Variants in CACNA2D3 observed in about 807,000 individuals in gnomAD.
The protein encoded by CACNA2D3 is voltage-dependent calcium channel subunit alpha-2/delta-3.
CACNA2D3 carries 60 observed loss-of-function variants against 160.6 expected under a neutral mutation model. The observed-to-expected ratio is 0.37, with a 90% confidence interval of 0.30 to 0.46. The LOEUF (loss-of-function observed/expected upper bound fraction) is 0.46. CACNA2D3 is among the 20% of genes least tolerant of loss of function. CACNA2D3 has a pLI of 1.00. For synonymous variants in CACNA2D3, 558 were observed against 492.9 expected (o/e 1.13, Z -1.75); for missense variants, 1,205 against 1,365.0 (o/e 0.88, Z 1.85).
At chr3:54,643,569 T>C (rs563412041) in intron 11 of CACNA2D3, among the ~76,000 whole-genome samples, 1 of 152,344 alleles carries the variant, frequency 6.6e-6, no homozygotes, top group East Asian at 1.9e-4. Context: ...CCATAAACAC[T>C]GAGTTCAGTC....
intron 6 of CACNA2D3, among the ~76,000 whole-genome samples, chr3:54,568,872 T>C (rs1318439072): frequency 6.6e-6 from 1 of 152,252 alleles, no homozygotes; most frequent in Admixed American, 6.5e-5. Flanking sequence ...ATGCCTGTTA[T>C]TAGCCCATTG....
chr3:54,128,358 C>T (rs7625325), intron 2 of CACNA2D3, among the ~76,000 whole-genome samples: 57,586 of 152,010 alleles, frequency 0.38, 11,162 homozygotes, highest in East Asian at 0.6. Context: ...CTGTGGCCCT[C>T]CCAGGTGTTT....
chr3:54,480,125 A>G (rs192725137), intron 4 of CACNA2D3, among the ~76,000 whole-genome samples: 4 of 152,176 alleles, frequency 2.6e-5, no homozygotes, highest in East Asian at 1.9e-4. Flanking sequence ...AGGAGGCTCA[A>G]TTGAGCCCAG....
Position 54,960,059 on chromosome 3 carries a change from G to A in CACNA2D3, c.2450-8391G>A, listed in dbSNP as rs568803766. On this transcript the variant is annotated intron_variant, in intron 27 of 37. Coordinates refer to ENST00000474759, the MANE Select transcript of CACNA2D3 (RefSeq NM_018398.3). The stretch of plus-strand genomic sequence containing the variant: ...CTACTTTACCAAAGGTGACAGTTCC[G>A]AGAAGCTCTGACAGGACAAAAAAAA... 6.1e-5 allele frequency among the ~76,000 whole-genome samples: 9 copies of A among 146,454 alleles called. No homozygotes were observed. The East Asian group carries it at 7.9e-4, about 13-fold the overall frequency.
chr3:54,641,441 G>GA (rs1699518019), intron 10 of CACNA2D3, among the ~76,000 whole-genome samples: 1 of 152,132 alleles, frequency 6.6e-6, no homozygotes, highest in Non-Finnish European at 1.5e-5. Flanking sequence ...GCCTCTAAGT[G>GA]GCAGGCTTCA....
intron 24 of CACNA2D3, among the ~76,000 whole-genome samples, chr3:54,888,581 C>G (rs1022858613): frequency 6.6e-6 from 1 of 152,150 alleles, no homozygotes; most frequent in Non-Finnish European, 1.5e-5. Context: ...ACCATTATTA[C>G]TTTAAGTAGA....
intron 4 of CACNA2D3, among the ~76,000 whole-genome samples, chr3:54,432,940 T>G (rs1700010375): frequency 6.6e-6 from 1 of 152,082 alleles, no homozygotes; most frequent in African/African-American, 2.4e-5. Context: ...CACCATGCCT[T>G]TTGCGTGGGT....
At position 54,631,203 on chromosome 3, in the gene CACNA2D3, AAC is replaced by A. The variant is rs67944483; in HGVS notation, c.1053+3359_1053+3360del. Reference sequence around the variant, plus strand: ...TGGGTGACAGAGCGAGACTCCATCAAACACACACACACACACACACACACACA... The same window carrying A: ...TGGGTGACAGAGCGAGACTCCATCAAACACACACACACACACACACACACA... On this transcript the variant is annotated intron_variant, in intron 10 of 37. Coordinates refer to ENST00000474759, the MANE Select transcript of CACNA2D3 (RefSeq NM_018398.3). Among the ~76,000 whole-genome samples, 1,430 of 145,692 alleles carry A rather than the reference AAC, an allele frequency of 9.8e-3. 23 individuals carry two copies. The highest frequency in any genetic ancestry group is 0.031 in the African/African-American group (1,212 of 38,784).
intron 2 of CACNA2D3, among the ~76,000 whole-genome samples, chr3:54,178,065 A>G (rs1214024483): frequency 6.6e-6 from 1 of 152,162 alleles, no homozygotes; most frequent in Non-Finnish European, 1.5e-5. Context: ...TGGAAGCAAA[A>G]CTAGCAGAAG....
intron 3 of CACNA2D3, among the ~76,000 whole-genome samples, chr3:54,385,396 C>T (rs189508192): frequency 5.3e-5 from 8 of 152,222 alleles, no homozygotes; most frequent in Admixed American, 3.3e-4. Context: ...AGTTAGCATC[C>T]GGGCTAGAAT....
At chr3:54,977,575 G>C (rs559107530) in intron 29 of CACNA2D3, among the ~76,000 whole-genome samples, 1 of 152,320 alleles carries the variant, frequency 6.6e-6, no homozygotes, top group Non-Finnish European at 1.5e-5. Context: ...ACTAGGAGTA[G>C]AGGTTATGAT....
chr3:54,298,944 TAAAAAAAAAAAAAAAA>T, intron 2 of CACNA2D3, among the ~76,000 whole-genome samples: 2 of 99,334 alleles, frequency 2.0e-5, no homozygotes, highest in South Asian at 6.5e-4. Flanking sequence ...CTCTGTTTCT[TAAAAAAAAAAAAAAAA>T]AAAAAAAAAA....
At chr3:54,533,986 T>C (rs1428493802) in intron 5 of CACNA2D3, among the ~76,000 whole-genome samples, 1 of 152,204 alleles carries the variant, frequency 6.6e-6, no homozygotes, top group African/African-American at 2.4e-5. Flanking sequence ...TATTAACCAC[T>C]GTGGTTATCC....
At chr3:54,692,060 G>A (rs192790034) in intron 11 of CACNA2D3, among the ~76,000 whole-genome samples, 195 of 151,892 alleles carry the variant, frequency 1.3e-3, no homozygotes, top group Non-Finnish European at 1.9e-3. Context: ...CTGCAACCTC[G>A]CCTCCTGGGT....
At chr3:54,765,204 A>G (rs1039194079) in intron 13 of CACNA2D3, among the ~76,000 whole-genome samples, 49 of 152,102 alleles carry the variant, frequency 3.2e-4, no homozygotes, top group African/African-American at 1.0e-3. Flanking sequence ...TTCCTGCTGC[A>G]CTTCTGGCAG....
At chr3:55,046,096 T>C (rs1006609090) in intron 35 of CACNA2D3, among the ~76,000 whole-genome samples, 1 of 150,834 alleles carries the variant, frequency 6.6e-6, no homozygotes, top group Admixed American at 6.6e-5. Flanking sequence ...CACTTTTTTT[T>C]TTAACGTCTT....
At chr3:54,301,156 C>G (rs1703466634) in intron 2 of CACNA2D3, among the ~76,000 whole-genome samples, 2 of 151,900 alleles carry the variant, frequency 1.3e-5, no homozygotes, top group Non-Finnish European at 2.9e-5. Context: ...ACTGAGGAGG[C>G]TGAGGCAGGA....
At chr3:54,446,758 C>T (rs574331913) in intron 4 of CACNA2D3, among the ~76,000 whole-genome samples, 14 of 152,090 alleles carry the variant, frequency 9.2e-5, no homozygotes, top group Non-Finnish European at 1.9e-4. Flanking sequence ...CTCCTGACAG[C>T]GCTGGCAGTG....
At chr3:54,727,781 A>G (rs1701306098) in intron 11 of CACNA2D3, among the ~76,000 whole-genome samples, 3 of 152,214 alleles carry the variant, frequency 2.0e-5, no homozygotes, top group African/African-American at 7.2e-5. Context: ...CAGGGAAGGG[A>G]TAACATTAGG....
Sources: gnomAD v4.1 joint callset for allele counts (sites outside exome capture counted in the v4.1 genomes callset) on GRCh38, gnomAD v4.1.1 for gene constraint, MANE v1.5 for transcripts, NCBI Gene and HGNC (gene_info 2026-07-23, HGNC 2026-07-21) for gene names.